DCC: variants seen among roughly 807,000 people sequenced by gnomAD.
DCC encodes DCC netrin 1 receptor, also known as netrin receptor DCC.
A neutral mutation model predicts 172.5 loss-of-function variants in DCC; 58 were observed. That is an observed-to-expected ratio of 0.34 (90% CI 0.27 to 0.42). DCC has a LOEUF of 0.42. Ranked by LOEUF, DCC falls within the 10% of genes least tolerant of loss-of-function variation. DCC has a pLI of 1.00. For missense variants in DCC, 1,740 were observed against 1,791.0 expected (o/e 0.97, Z 0.51); for synonymous variants, 709 against 644.5 (o/e 1.10, Z -1.52).
At chr18:53,044,727 A>C (rs1034568590) in intron 5 of DCC, among the ~76,000 whole-genome samples, 9 of 151,880 alleles carry the variant, frequency 5.9e-5, no homozygotes, top group African/African-American at 2.2e-4. Context: ...GTAACTCATA[A>C]CTTGACTTCT....
At chr18:53,238,428 T>A (rs2056235859) in intron 12 of DCC, among the ~76,000 whole-genome samples, 1 of 152,168 alleles carries the variant, frequency 6.6e-6, no homozygotes. Context: ...TATAAAGTTT[T>A]ATGATATACA....
chr18:53,429,558 A>C (rs1911471674), intron 21 of DCC, among the ~76,000 whole-genome samples: 1 of 152,072 alleles, frequency 6.6e-6, no homozygotes, highest in South Asian at 2.1e-4. Context: ...TTATGGCCTA[A>C]ATACAGAAAT....
intron 5 of DCC, among the ~76,000 whole-genome samples, chr18:52,940,209 G>A (rs972135237): frequency 5.9e-5 from 9 of 152,112 alleles, no homozygotes; most frequent in African/African-American, 2.4e-5. Context: ...CCAAACCAAC[G>A]AACAAAAGTA....
intron 7 of DCC, among the ~76,000 whole-genome samples, chr18:53,117,756 A>C (rs2043428272): frequency 2.0e-5 from 3 of 151,678 alleles, no homozygotes; most frequent in Admixed American, 2.0e-4. Context: ...CACCTCCTGG[A>C]CTCTACAGTT....
chr18:53,115,655 CCTAA>C (rs879660206), intron 7 of DCC, among the ~76,000 whole-genome samples: 1 of 151,450 alleles, frequency 6.6e-6, no homozygotes, highest in African/African-American at 2.4e-5. Flanking sequence ...AAACAGTTTA[CCTAA>C]CTGTTTTGTA....
At chr18:52,549,473 T>C (rs1163930204) in intron 1 of DCC, among the ~76,000 whole-genome samples, 1 of 152,068 alleles carries the variant, frequency 6.6e-6, no homozygotes, top group Non-Finnish European at 1.5e-5. Context: ...CTAATTTGTC[T>C]TTGTACCTCC....
intron 7 of DCC, among the ~76,000 whole-genome samples, chr18:53,145,907 G>A (rs2043905433): frequency 6.6e-6 from 1 of 152,196 alleles, no homozygotes; most frequent in South Asian, 2.1e-4. Context: ...ATAACTGGAA[G>A]AGAATATAGT....
At chr18:52,710,465 T>C (rs1056138334) in intron 1 of DCC, among the ~76,000 whole-genome samples, 1 of 152,230 alleles carries the variant, frequency 6.6e-6, no homozygotes, top group Non-Finnish European at 1.5e-5. Flanking sequence ...TGAACTTGTA[T>C]GTGTGCTTGC....
intron 12 of DCC, among the ~76,000 whole-genome samples, chr18:53,234,285 C>A (rs544987529): frequency 6.6e-6 from 1 of 151,458 alleles, no homozygotes; most frequent in Non-Finnish European, 1.5e-5. Flanking sequence ...AAAAATTAGC[C>A]GGGCGTGGTG....
intron 1 of DCC, among the ~76,000 whole-genome samples, chr18:52,413,963 T>C (rs922769575): frequency 6.6e-6 from 1 of 152,240 alleles, no homozygotes; most frequent in African/African-American, 2.4e-5. Context: ...TGTGTATCTA[T>C]GCTTAAAAAT....
intron 1 of DCC, among the ~76,000 whole-genome samples, chr18:52,664,287 A>G (rs1164024935): frequency 5.9e-5 from 9 of 152,108 alleles, no homozygotes; most frequent in Non-Finnish European, 1.2e-4. Context: ...TGGGCCTGAG[A>G]AGATTAAGTT....
intron 2 of DCC, among the ~76,000 whole-genome samples, chr18:52,835,873 C>A (rs946638293): frequency 1.3e-5 from 2 of 152,078 alleles, no homozygotes; most frequent in Non-Finnish European, 2.9e-5. Context: ...TCAGATGGCA[C>A]CATGAGAAAA....
intron 2 of DCC, among the ~76,000 whole-genome samples, chr18:52,891,491 A>G (rs746702187): frequency 1.3e-5 from 2 of 152,026 alleles, no homozygotes; most frequent in Non-Finnish European, 2.9e-5. Context: ...AATGATAGAA[A>G]CCTTGGGGGT....
At chr18:53,453,180 G>A (rs537121699) in intron 23 of DCC, among the ~76,000 whole-genome samples, 1 of 152,256 alleles carries the variant, frequency 6.6e-6, no homozygotes, top group South Asian at 2.1e-4. Context: ...CTCCCAAAGT[G>A]CTGGAATTAC....
At chr18:53,348,756 G>T (rs1030491095) in intron 15 of DCC, among the ~76,000 whole-genome samples, 2 of 152,134 alleles carry the variant, frequency 1.3e-5, no homozygotes, top group African/African-American at 4.8e-5. Context: ...TGAAACCATG[G>T]CCCTATCTCT....
chr18:53,129,827 A>C (rs2043624544), intron 7 of DCC, among the ~76,000 whole-genome samples: 1 of 152,132 alleles, frequency 6.6e-6, no homozygotes. Flanking sequence ...GTTAGCACTT[A>C]TGTTTTCATT....
chr18:52,404,765 A>C, intron 1 of DCC, among the ~76,000 whole-genome samples: 1 of 148,512 alleles, frequency 6.7e-6, no homozygotes, highest in Non-Finnish European at 1.5e-5. Context: ...GCACCCACTA[A>C]CTCGTCATCT....
intron 1 of DCC, among the ~76,000 whole-genome samples, chr18:52,443,375 A>G (rs1988026703): frequency 6.6e-6 from 1 of 152,196 alleles, no homozygotes; most frequent in Non-Finnish European, 1.5e-5. Flanking sequence ...CACATAATCT[A>G]TTGAAGAGAG....
intron 15 of DCC, among the ~76,000 whole-genome samples, chr18:53,341,573 ATAGATAGG>A (rs1454454406): frequency 1.3e-5 from 2 of 152,210 alleles, no homozygotes; most frequent in Non-Finnish European, 2.9e-5. Context: ...ACATACACAC[ATAGATAGG>A]TATGTAAGTT....
Sources: gnomAD v4.1 joint callset for allele counts (sites outside exome capture counted in the v4.1 genomes callset) on GRCh38, gnomAD v4.1.1 for gene constraint, MANE v1.5 for transcripts, NCBI Gene and HGNC (gene_info 2026-07-23, HGNC 2026-07-21) for gene names.